The following CACNA1G variants were observed in gnomAD, a reference collection of about 807,000 sequenced individuals.
CACNA1G encodes the protein calcium voltage-gated channel subunit alpha1 G, also known as voltage-dependent T-type calcium channel subunit alpha-1G.
A neutral mutation model predicts 219.4 loss-of-function variants in CACNA1G; 67 were observed. That is an observed-to-expected ratio of 0.31 (90% CI 0.25 to 0.37). CACNA1G has a LOEUF of 0.37. Ranked by LOEUF, CACNA1G falls within the 10% of genes least tolerant of loss-of-function variation. The pLI is 1.00. For missense variants in CACNA1G, 2,380 were observed against 3,231.4 expected, an observed-to-expected ratio of 0.74 and a Z score of 6.39; for synonymous variants, 1,296 against 1,345.3, an observed-to-expected ratio of 0.96 and a Z score of 0.80.
At chr17:50,624,664 T>C in intron 37 of CACNA1G, 135 bp downstream of exon 37, 1 of 915,196 alleles carries the variant, frequency 1.1e-6, no homozygotes, top group South Asian at 1.7e-5. Flanking sequence ...CAGTTGCAGA[T>C]ACCAGGGACA....
intron 9 of CACNA1G, among the ~76,000 whole-genome samples, chr17:50,588,270 G>C (rs2043404907): frequency 6.6e-6 from 1 of 152,192 alleles, no homozygotes; most frequent in Non-Finnish European, 1.5e-5. Flanking sequence ...ACCGTGGCTT[G>C]GTTCTGAATC....
chr17:50,569,375 A>C (rs1157513572), intron 3 of CACNA1G, 77 bp downstream of exon 3: 1 of 1,485,092 alleles, frequency 6.7e-7, no homozygotes, highest in Non-Finnish European at 9.3e-7. Context: ...TGGGCCTGTG[A>C]CCTCTCAGCT....
intron 9 of CACNA1G, among the ~76,000 whole-genome samples, chr17:50,579,526 T>TC (rs762850302): frequency 1.6e-4 from 25 of 151,918 alleles, no homozygotes; most frequent in Non-Finnish European, 2.9e-4. Flanking sequence ...TCGCTCCCCC[T>TC]CCCCCCAGTC....
intron 1 of CACNA1G, among the ~76,000 whole-genome samples, chr17:50,567,717 C>T (rs1483472916): frequency 6.6e-6 from 1 of 152,192 alleles, no homozygotes; most frequent in East Asian, 1.9e-4. Context: ...CCCCACCCTT[C>T]TCATATTTTC....
At chr17:50,594,295 C>T (rs923915534) in intron 13 of CACNA1G, among the ~76,000 whole-genome samples, 1 of 152,210 alleles carries the variant, frequency 6.6e-6, no homozygotes, top group African/African-American at 2.4e-5. Context: ...TTAATTGATA[C>T]TAAATAACAT....
intron 13 of CACNA1G, among the ~76,000 whole-genome samples, chr17:50,592,692 C>T (rs949878206): frequency 6.6e-5 from 10 of 152,220 alleles, no homozygotes; most frequent in Admixed American, 5.2e-4. Context: ...GCCATGTCAG[C>T]GAGCAGCCTC....
In CACNA1G at chr17:50,621,412, G is replaced by C. The variant is rs1326997934; in HGVS notation, c.5926-248G>C. On this transcript the variant is annotated intron_variant, in intron 34 of 37. Transcript: ENST00000359106. This position sits in a 1 kb window ranked among gnomAD's most constrained non-coding sequence, Gnocchi z 4.6. ...TTCTGTGTCTCCTCGCTTTGTCAGT[G>C]TTTGCTCTGGCTCTTCAGTGCCTGC... 5.3e-5 allele frequency among the ~76,000 whole-genome samples: 8 copies of C among 152,152 alleles called. No homozygotes were observed. Among genetic ancestry groups the C allele is most frequent in the African/African-American group, 1.9e-4 (8 of 41,424 alleles).
intron 9 of CACNA1G, among the ~76,000 whole-genome samples, chr17:50,583,852 G>A (rs2042461001): frequency 6.6e-5 from 10 of 152,206 alleles, no homozygotes; most frequent in Admixed American, 6.5e-4. Context: ...TCCCATTGGT[G>A]CAGGCTGGGT....
intron 34 of CACNA1G, among the ~76,000 whole-genome samples, chr17:50,620,129 G>A (rs1366972912): frequency 2.0e-5 from 3 of 151,900 alleles, no homozygotes; most frequent in African/African-American, 4.8e-5. Context: ...GAGGGGATGG[G>A]GCAGAAGATA....
At chr17:50,619,121 CT>C in intron 33 of CACNA1G, 113 bp downstream of exon 33, 2 of 787,508 alleles carry the variant, frequency 2.5e-6, no homozygotes, top group Non-Finnish European at 3.9e-6. Context: ...CTCCTGGAGG[CT>C]CCCGCCCTCC....
intron 9 of CACNA1G, among the ~76,000 whole-genome samples, chr17:50,587,705 G>A (rs752042868): frequency 6.6e-6 from 1 of 152,236 alleles, no homozygotes; most frequent in Non-Finnish European, 1.5e-5. Flanking sequence ...GCATCAGGCT[G>A]CCCTGCTTTT....
chr17:50,591,641 T>C (rs779197405), intron 11 of CACNA1G, 21 bp downstream of exon 11: 1 of 1,611,808 alleles, frequency 6.2e-7, no homozygotes, highest in South Asian at 1.1e-5. Context: ...CATGGCACCT[T>C]GCCGGCTGAG....
At position 50,595,018 on chromosome 17, in the gene CACNA1G, G is replaced by A; in HGVS notation, c.2936G>A (p.Ser979Asn). The A allele has an allele frequency of 1.3e-6, 2 of 1,554,500 alleles. No homozygotes were observed. The highest frequency in any genetic ancestry group is 1.7e-6 in the Non-Finnish European group (2 of 1,148,550). Residue 979 changes from serine to asparagine, a missense_variant, in exon 14 of 38, where the codon AGT becomes AAT. This residue lies in a region of CACNA1G where 418 missense variants were observed against 434.3 expected (regional missense o/e 0.96). Coordinates refer to ENST00000359106, the MANE Select transcript of CACNA1G (RefSeq NM_018896.5). ...GAAATCAGCAAACGGGAAGATGCGA[G>A]TGGACAGTTAAGCTGTATTCAGCTG... ...AEEISKREDA[S>N]GQLSCIQLPV...
At chr17:50,591,672 A>AC in intron 11 of CACNA1G, 52 bp downstream of exon 11, 1 of 1,609,632 alleles carries the variant, frequency 6.2e-7, no homozygotes, top group East Asian at 2.2e-5. Flanking sequence ...GGCTGGGGGC[A>AC]GGAGGGCCTG....
At chr17:50,582,502 G>C (rs1365874373) in intron 9 of CACNA1G, among the ~76,000 whole-genome samples, 1 of 152,176 alleles carries the variant, frequency 6.6e-6, no homozygotes, top group East Asian at 1.9e-4. Flanking sequence ...AGCAGATGTG[G>C]GCTGGGAGAC....
intron 9 of CACNA1G, among the ~76,000 whole-genome samples, chr17:50,586,442 C>G (rs1363005478): frequency 6.6e-6 from 1 of 152,212 alleles, no homozygotes; most frequent in Non-Finnish European, 1.5e-5. Context: ...TGGGGACACC[C>G]TCCATGGACA....
At chr17:50,561,810 CGGAGGGTAGGCGGATGG>C in intron 1 of CACNA1G, 109 bp downstream of exon 1, 1 of 123,678 alleles carries the variant, frequency 8.1e-6, no homozygotes, top group Non-Finnish European at 9.8e-6. Flanking sequence ...GAAGTGAGCC[CGGAGGGTAGGCGGATGG>C]GGGGGGGGCT....
Position 50,578,809 on chromosome 17 carries a change from G to A in CACNA1G, c.2301+245G>A, listed in dbSNP as rs1308101073. On this transcript the variant is annotated intron_variant, in intron 9 of 37. Coordinates refer to ENST00000359106, the MANE Select transcript of CACNA1G (RefSeq NM_018896.5). The surrounding 1 kb of genome is among the most constrained non-coding windows in gnomAD (Gnocchi z 4.5). ...CACAGGGTATGTTCTACCCAGGAAGGCTGCTCAGAGGAGGCTGGCTTTGAA... is the reference window on the plus strand; with the variant it reads ...CACAGGGTATGTTCTACCCAGGAAGACTGCTCAGAGGAGGCTGGCTTTGAA... Among the ~76,000 whole-genome samples, 1 of 152,186 alleles carries A rather than the reference G, an allele frequency of 6.6e-6. No individual in the cohort carries two copies. Among genetic ancestry groups the A allele is most frequent in the Non-Finnish European group, 1.5e-5 (1 of 68,036 alleles).
rs374247829 is a variant in CACNA1G, at chr17:50,621,264, AT to A, written c.5926-382del. Among the ~76,000 whole-genome samples, 450 of 138,240 alleles carry A rather than the reference AT, an allele frequency of 3.3e-3. No individual in the cohort carries two copies. The highest frequency in any genetic ancestry group is 3.6e-3 in the Middle Eastern group (1 of 274). 90.7% of individuals were successfully genotyped at this position (138,240 alleles called of 152,430 possible). A position where few individuals can be genotyped will look rare whatever the true frequency, so the allele number is the denominator to read the frequency against. On this transcript the variant is annotated intron_variant, in intron 34 of 37. Coordinates refer to ENST00000359106, the MANE Select transcript of CACNA1G (RefSeq NM_018896.5). The surrounding 1 kb of genome is among the most constrained non-coding windows in gnomAD (Gnocchi z 4.6). ...GACAGTGCTTTGCTGGCCTTTCTTC[AT>A]TTTTTTTTTTTTTGGTATCATCTTT... is the stretch of plus-strand genomic sequence containing the variant.
Sources: gnomAD v4.1 joint callset for allele counts (sites outside exome capture counted in the v4.1 genomes callset) on GRCh38, gnomAD v4.1.1 for gene constraint, gnomAD v4.1.1 regional missense constraint, Gnocchi (gnomAD v3.1) non-coding constraint, MANE v1.5 for transcripts, NCBI Gene and HGNC (gene_info 2026-07-23, HGNC 2026-07-21) for gene names.